KALRN: variants seen among roughly 807,000 people sequenced by gnomAD.
KALRN encodes kalirin.
A neutral mutation model predicts 353.7 loss-of-function variants in KALRN; 70 were observed. The observed-to-expected ratio is 0.20, with a 90% CI of 0.16 to 0.24. The LOEUF (loss-of-function observed/expected upper bound fraction) is 0.24, where lower values mean the gene tolerates loss of function less well. Among genes scored for constraint, KALRN ranks in the 10% least tolerant of loss-of-function variants. The pLI is 1.00. For missense variants in KALRN, 2,791 were observed against 3,756.7 expected (o/e 0.74, Z 6.72); for synonymous variants, 1,391 against 1,434.8 (o/e 0.97, Z 0.69).
At position 124,476,141 on chromosome 3, in the gene KALRN, G is replaced by T. The variant is rs114857917; in HGVS notation, c.4102-1104G>T. Among the ~76,000 whole-genome samples the T allele has an allele frequency of 9.8e-3, 1,492 of 152,018 alleles. 21 individuals are homozygous for T. The highest frequency in any genetic ancestry group is 0.034 in the African/African-American group (1,417 of 41,452). On this transcript the variant is annotated intron_variant, in intron 26 of 59. Coordinates refer to ENST00000682506, the MANE Select transcript of KALRN (RefSeq NM_001388419.1). ...ATCTTTTGCCAAGAATTATCCCAAG[G>T]TGACTTTCTTAAGTCTCATAATCTT... is the stretch of plus-strand genomic sequence containing the variant.
chr3:124,341,321 C>G (rs190705618), intron 9 of KALRN, among the ~76,000 whole-genome samples: 1 of 152,200 alleles, frequency 6.6e-6, no homozygotes, highest in African/African-American at 2.4e-5. Flanking sequence ...TGATGACATT[C>G]CTGAATGGGG....
intron 32 of KALRN, among the ~76,000 whole-genome samples, chr3:124,494,333 C>T (rs1009315759): frequency 2.0e-5 from 3 of 152,172 alleles, no homozygotes; most frequent in African/African-American, 7.2e-5. Context: ...GAATACTACC[C>T]ACAGTCCTAG....
At chr3:124,632,321 C>T in intron 34 of KALRN, 99 bp from the exon 35 acceptor site, 1 of 1,207,594 alleles carries the variant, frequency 8.3e-7, no homozygotes, top group African/African-American at 1.5e-5. Flanking sequence ...GACATTCTGC[C>T]TTGTGTCCTA....
In KALRN at chr3:124,122,263, G is replaced by T. The variant is rs535684209; in HGVS notation, c.73+88450G>T. On this transcript the variant is annotated intron_variant, in intron 1 of 59. Transcript: ENST00000682506. ...TCAATTCCACTCTGCTGCTGTGATT[G>T]TGTCCTTCAGCACACTCTGAGGTCC... Among the ~76,000 whole-genome samples the T allele has an allele frequency of 3.3e-5, 5 of 152,244 alleles. No individual in the cohort carries two copies. The East Asian group carries it at 9.7e-4, about 29-fold the overall frequency.
chr3:124,442,089 C>G (rs1481532970), intron 19 of KALRN, 30 bp downstream of exon 19: 2 of 1,429,282 alleles, frequency 1.4e-6, no homozygotes, highest in South Asian at 2.5e-5. Context: ...AGCCACCAGT[C>G]ACTTCAGCGA....
rs55855993 is a variant in KALRN, at chr3:124,278,458, G to GGTGT, written c.969+9231_969+9234dup. Among the ~76,000 whole-genome samples, 6,067 of 145,440 alleles carry GGTGT rather than the reference G, an allele frequency of 0.042. 661 individuals are homozygous for GGTGT. The East Asian group carries it at 0.46, about 11-fold the overall frequency. On this transcript the variant is annotated intron_variant, in intron 5 of 59. Coordinates refer to ENST00000682506, the MANE Select transcript of KALRN (RefSeq NM_001388419.1). ...TGTTTGAAGAATGAAGGACACTTCA[G>GGTGT]GTGTGTGTGTGTGTGTGTGTGTGTG...
chr3:124,466,649 T>G (rs2060375181), intron 25 of KALRN, among the ~76,000 whole-genome samples: 1 of 152,174 alleles, frequency 6.6e-6, no homozygotes, highest in South Asian at 2.1e-4. Context: ...CTCCCAGCGC[T>G]CAGAGGGTCC....
At position 124,642,806 on chromosome 3, in the gene KALRN, G is replaced by GTTTTTTTGTTGTTGTTGTTTTTTTTTTTT. The variant is rs1553707032; in HGVS notation, c.5664+5510_5664+5511insGTTGTTGTTGTTTTTTTTTTTTTTTTTTT. Among the ~76,000 whole-genome samples the GTTTTTTTGTTGTTGTTGTTTTTTTTTTTT allele has an allele frequency of 1.3e-3, 122 of 96,810 alleles. 5 individuals are homozygous for GTTTTTTTGTTGTTGTTGTTTTTTTTTTTT. The highest frequency in any genetic ancestry group is 6.2e-3 in the Middle Eastern group (1 of 162). 63.5% of individuals were successfully genotyped at this position (96,810 alleles called of 152,430 possible). On this transcript the variant is annotated intron_variant, in intron 37 of 59. Transcript: ENST00000682506. ...TCTGTGGAAGAGATTCCCAAGCCTC[G>GTTTTTTTGTTGTTGTTGTTTTTTTTTTTT]TTTTTTTTTTTTTTTTTTTTGAGAC... is the stretch of plus-strand genomic sequence containing the variant.
chr3:124,369,098 C>T (rs955948045), intron 10 of KALRN, among the ~76,000 whole-genome samples: 20 of 152,218 alleles, frequency 1.3e-4, no homozygotes, highest in Non-Finnish European at 2.5e-4. Context: ...CTCTTTTGTC[C>T]TTTGCCTTAC....
chr3:124,601,602 G>A (rs1197916970), intron 34 of KALRN, among the ~76,000 whole-genome samples: 1 of 152,196 alleles, frequency 6.6e-6, no homozygotes, highest in East Asian at 1.9e-4. Flanking sequence ...CACTATTAAG[G>A]ACCTTTATAT....
chr3:124,331,393 G>A (rs1021630352), intron 8 of KALRN, among the ~76,000 whole-genome samples: 4 of 151,992 alleles, frequency 2.6e-5, no homozygotes, highest in Non-Finnish European at 2.9e-5. Context: ...CTTTTAAGTG[G>A]GAGCTAACCA....
intron 1 of KALRN, among the ~76,000 whole-genome samples, chr3:124,165,528 C>T (rs562860912): frequency 6.6e-6 from 1 of 152,302 alleles, no homozygotes; most frequent in South Asian, 2.1e-4. Flanking sequence ...CATGTGGTCC[C>T]CTCCAACATG....
At chr3:124,229,046 C>G (rs914018074) in intron 2 of KALRN, among the ~76,000 whole-genome samples, 1 of 152,186 alleles carries the variant, frequency 6.6e-6, no homozygotes, top group African/African-American at 2.4e-5. Context: ...ATTGCCCTAT[C>G]TCAAGATGGT....
chr3:124,528,165 G>A (rs1269380513), intron 33 of KALRN, among the ~76,000 whole-genome samples: 1 of 152,182 alleles, frequency 6.6e-6, no homozygotes, highest in Non-Finnish European at 1.5e-5. Flanking sequence ...GCAGCAGGAA[G>A]CATGGTTTCC....
intron 58 of KALRN, among the ~76,000 whole-genome samples, chr3:124,715,626 C>G (rs1422090714): frequency 6.6e-6 from 1 of 152,212 alleles, no homozygotes; most frequent in African/African-American, 2.4e-5. Flanking sequence ...GCCTTTGCTC[C>G]TGTCAGGGAA....
At chr3:124,255,551 A>G (rs541882829) in intron 3 of KALRN, among the ~76,000 whole-genome samples, 1 of 152,320 alleles carries the variant, frequency 6.6e-6, no homozygotes, top group African/African-American at 2.4e-5. Context: ...ACACTGTATT[A>G]TTTGTGAAGC....
intron 21 of KALRN, among the ~76,000 whole-genome samples, chr3:124,451,850 C>T (rs955231237): frequency 3.3e-5 from 5 of 152,170 alleles, no homozygotes; most frequent in Non-Finnish European, 7.3e-5. Context: ...GTATAATGTT[C>T]TACCATTTCT....
rs765668780 is a variant in KALRN, at chr3:124,655,675, G to C, written c.5862+8G>C. ...CTGGGCATTGTGGTGGAGGTAAGTA[G>C]AGGGTTCCAGGTGGGTCTGTGGTCA... On this transcript the variant is annotated splice_region_variant and intron_variant, in intron 39 of 59. Transcript: ENST00000682506. 1.9e-6 allele frequency: 3 copies of C among 1,612,734 alleles called. No individual in the cohort carries two copies. Among genetic ancestry groups the C allele is most frequent in the Non-Finnish European group, 1.7e-6 (2 of 1,178,804 alleles).
In KALRN at chr3:124,110,473, A is replaced by G. The variant is rs536130296; in HGVS notation, c.73+76660A>G. ...ATTTCATATATACACACGCGCGCAC[A>G]CACACACACACACACACACACACAT... On this transcript the variant is annotated intron_variant, in intron 1 of 59. Transcript: ENST00000682506. 1.7e-3 allele frequency among the ~76,000 whole-genome samples: 258 copies of G among 149,354 alleles called. 4 individuals are homozygous for G. Among genetic ancestry groups the G allele is most frequent in the South Asian group, 7.4e-3 (35 of 4,748 alleles).
Sources: gnomAD v4.1 joint callset for allele counts (sites outside exome capture counted in the v4.1 genomes callset) on GRCh38, gnomAD v4.1.1 for gene constraint, MANE v1.5 for transcripts, NCBI Gene and HGNC (gene_info 2026-07-23, HGNC 2026-07-21) for gene names.